GPATCH2: variants seen among roughly 807,000 people sequenced by gnomAD.
GPATCH2 encodes G patch domain-containing protein 2.
Under a neutral mutation model 58.0 loss-of-function variants are expected in GPATCH2, and 51 were observed. The observed-to-expected ratio is 0.88, with a 90% CI of 0.70 to 1.11. The LOEUF is 1.11. Among genes scored for constraint, GPATCH2 ranks in the 50% most tolerant of loss-of-function variants. GPATCH2 has a pLI of 0.00. For synonymous variants in GPATCH2, 222 were observed against 218.5 expected, an observed-to-expected ratio of 1.02 and a Z score of -0.14; for missense variants, 625 against 652.2, an observed-to-expected ratio of 0.96 and a Z score of 0.45.
intron 9 of GPATCH2, among the ~76,000 whole-genome samples, chr1:217,441,144 G>A (rs899356311): frequency 2.6e-5 from 4 of 152,130 alleles, no homozygotes; most frequent in Non-Finnish European, 4.4e-5. Context: ...CATGGTACTG[G>A]TACTAACACA....
At chr1:217,493,840 T>C (rs1295601426) in intron 7 of GPATCH2, among the ~76,000 whole-genome samples, 2 of 152,094 alleles carry the variant, frequency 1.3e-5, no homozygotes, top group Non-Finnish European at 2.9e-5. Context: ...ATAATAATAG[T>C]TAATAGTTAA....
intron 9 of GPATCH2, among the ~76,000 whole-genome samples, chr1:217,444,639 G>C (rs1659300987): frequency 6.6e-6 from 1 of 152,146 alleles, no homozygotes; most frequent in African/African-American, 2.4e-5. Flanking sequence ...AGAGTGGGCT[G>C]GTGGTGTATG....
chr1:217,467,885 A>G (rs1660535309), intron 8 of GPATCH2, among the ~76,000 whole-genome samples: 1 of 152,184 alleles, frequency 6.6e-6, no homozygotes, highest in Non-Finnish European at 1.5e-5. Context: ...TAAACATATC[A>G]GAAAGCAAAG....
intron 5 of GPATCH2, among the ~76,000 whole-genome samples, chr1:217,524,943 A>G (rs866320001): frequency 3.9e-4 from 20 of 50,732 alleles, no homozygotes; most frequent in African/African-American, 5.1e-4. Context: ...GGGGAGAGGG[A>G]GATTTCAGTT....
At chr1:217,582,165 G>A (rs78748213) in intron 5 of GPATCH2, among the ~76,000 whole-genome samples, 1,998 of 152,090 alleles carry the variant, frequency 0.013, 17 homozygotes, top group Non-Finnish European at 0.02. Context: ...ACTTCTTTTC[G>A]TCTATACACT....
intron 5 of GPATCH2, among the ~76,000 whole-genome samples, chr1:217,533,301 A>G (rs371661245): frequency 3.3e-5 from 5 of 152,152 alleles, no homozygotes; most frequent in African/African-American, 1.2e-4. Flanking sequence ...GATTATATCT[A>G]TTGATATTGA....
At chr1:217,564,146 A>T (rs141330576) in intron 5 of GPATCH2, among the ~76,000 whole-genome samples, 6 of 151,574 alleles carry the variant, frequency 4.0e-5, no homozygotes. Context: ...TTACTCAAAG[A>T]GTTCAAAAAG....
chr1:217,594,647 T>C (rs771603777), intron 5 of GPATCH2, among the ~76,000 whole-genome samples: 16 of 152,212 alleles, frequency 1.1e-4, no homozygotes, highest in Non-Finnish European at 2.2e-4. Context: ...TTAGAACATC[T>C]AATTTCTTCA....
At chr1:217,534,274 C>G (rs936867917) in intron 5 of GPATCH2, among the ~76,000 whole-genome samples, 1 of 152,004 alleles carries the variant, frequency 6.6e-6, no homozygotes, top group Non-Finnish European at 1.5e-5. Context: ...ATTAATTGCT[C>G]TCTCCTATAA....
chr1:217,484,556 TTA>T (rs60742327), intron 8 of GPATCH2, among the ~76,000 whole-genome samples: 12,020 of 143,144 alleles, frequency 0.084, 578 homozygotes, highest in Middle Eastern at 0.15. Context: ...ATATAATTAT[TTA>T]TATATATATA....
intron 1 of GPATCH2, among the ~76,000 whole-genome samples, chr1:217,621,447 C>A (rs1669181995): frequency 6.6e-6 from 1 of 152,144 alleles, no homozygotes; most frequent in African/African-American, 2.4e-5. Context: ...TCTCAACAGT[C>A]ATACAGAGCT....
chr1:217,526,820 C>T (rs1299121650), intron 5 of GPATCH2, among the ~76,000 whole-genome samples: 1 of 152,214 alleles, frequency 6.6e-6, no homozygotes, highest in Non-Finnish European at 1.5e-5. Flanking sequence ...CCTCACTGCT[C>T]ATATTACCAC....
intron 6 of GPATCH2, among the ~76,000 whole-genome samples, chr1:217,512,341 A>G (rs919576221): frequency 3.3e-5 from 5 of 152,178 alleles, no homozygotes; most frequent in African/African-American, 4.8e-5. Context: ...AAATAAATAA[A>G]TAAAACAAAA....
chr1:217,446,783 A>G (rs930107290), intron 9 of GPATCH2, among the ~76,000 whole-genome samples: 1 of 152,296 alleles, frequency 6.6e-6, no homozygotes, highest in East Asian at 1.9e-4. Flanking sequence ...AAACTGTTTT[A>G]GGCTAAAGTT....
intron 8 of GPATCH2, among the ~76,000 whole-genome samples, chr1:217,490,715 T>G (rs1178338176): frequency 6.6e-6 from 1 of 152,246 alleles, no homozygotes; most frequent in Admixed American, 6.5e-5. Context: ...TTTATTTCTA[T>G]AAACATCTCA....
At chr1:217,622,592 G>A (rs567934116) in intron 1 of GPATCH2, among the ~76,000 whole-genome samples, 2 of 152,344 alleles carry the variant, frequency 1.3e-5, no homozygotes, top group South Asian at 4.1e-4. Flanking sequence ...TACCCAGGCT[G>A]AAGTGCAGTG....
At position 217,428,568 on chromosome 1, in the gene GPATCH2, G is replaced by C. The variant is rs1194433923; in HGVS notation, c.*2577C>G. On this transcript the variant is annotated 3_prime_UTR_variant, in exon 10 of 10. Transcript: ENST00000366935. Reference sequence around the variant, plus strand: ...CTTAAAGACTGAGGGCATGTCAGTAGAAGTATGGGGGAAGCTTGGGATGTT... The same window carrying C: ...CTTAAAGACTGAGGGCATGTCAGTACAAGTATGGGGGAAGCTTGGGATGTT... The C allele has an allele frequency of 1.3e-5, 2 of 152,208 alleles. No individual in the cohort carries two copies. Among genetic ancestry groups the C allele is most frequent in the East Asian group, 1.9e-4 (1 of 5,194 alleles). 9.4% of individuals were successfully genotyped at this position (152,208 alleles called of 1,614,324 possible).
In GPATCH2 at chr1:217,500,096, G is replaced by C. The variant is rs188546930; in HGVS notation, c.1167-1701C>G. Among the ~76,000 whole-genome samples the C allele has an allele frequency of 7.9e-5, 12 of 151,914 alleles. No individual in the cohort carries two copies. The East Asian group carries it at 2.3e-3, about 29-fold the overall frequency. ...TATTATGACTACATGAATACTTTCT[G>C]CTACTAAGCTTTTCTTTTTGTTTCT... On this transcript the variant is annotated intron_variant, in intron 6 of 9. Coordinates refer to ENST00000366935, the MANE Select transcript of GPATCH2 (RefSeq NM_018040.5).
intron 8 of GPATCH2, among the ~76,000 whole-genome samples, chr1:217,458,853 T>G (rs544260987): frequency 6.6e-6 from 1 of 152,180 alleles, no homozygotes; most frequent in Non-Finnish European, 1.5e-5. Flanking sequence ...TATTTCCATA[T>G]CAATCTGTGC....
Sources: allele counts gnomAD v4.1 joint callset (sites outside exome capture counted in the v4.1 genomes callset), GRCh38; gene constraint gnomAD v4.1.1; transcripts MANE v1.5; gene names NCBI Gene and HGNC (gene_info 2026-07-23, HGNC 2026-07-21).